TGM6: variants seen among roughly 807,000 people sequenced by gnomAD.
TGM6 encodes protein-glutamine gamma-glutamyltransferase 6.
A neutral mutation model predicts 77.5 loss-of-function variants in TGM6; 74 were observed. The ratio of observed to expected loss-of-function variants is 0.96; its 90% CI spans 0.79 to 1.16. The LOEUF is 1.16. Among genes scored for constraint, TGM6 ranks in the 50% most tolerant of loss-of-function variants. TGM6 has a pLI of 0.00. For missense variants in TGM6, 968 were observed against 940.2 expected (o/e 1.03, Z -0.39); for synonymous variants, 383 against 378.9 (o/e 1.01, Z -0.12).
At chr20:2,396,191 A>G (rs981300293) in intron 3 of TGM6, among the ~76,000 whole-genome samples, 7 of 151,978 alleles carry the variant, frequency 4.6e-5, no homozygotes, top group South Asian at 2.1e-4. Flanking sequence ...AAAAAAAAAA[A>G]AAAAGAAAAG....
chr20:2,407,729 C>G (rs1174118631), intron 9 of TGM6, among the ~76,000 whole-genome samples: 1 of 152,228 alleles, frequency 6.6e-6, no homozygotes, highest in Non-Finnish European at 1.5e-5. Context: ...GCAGTCTACT[C>G]TTAGGGCCTC....
intron 8 of TGM6, 28 bp downstream of exon 8, chr20:2,403,528 C>A: frequency 6.2e-7 from 1 of 1,614,166 alleles, no homozygotes; most frequent in Non-Finnish European, 8.5e-7. Context: ...GGGTAAGTTC[C>A]AGACCCCTGC....
intron 10 of TGM6, among the ~76,000 whole-genome samples, chr20:2,422,029 G>A (rs1044009008): frequency 7.9e-5 from 12 of 152,122 alleles, no homozygotes; most frequent in African/African-American, 2.4e-4. Context: ...CTACTCGGGA[G>A]GCTGAGGCAG....
rs141990961 is a variant in TGM6 at position 2,400,429 on chromosome 20, C to G, written c.974C>G (p.Thr325Arg). The change falls in exon 7 of 13, where the codon ACA becomes AGA. Residue 325 changes from threonine (T) to arginine (R), a missense_variant. Coordinates refer to ENST00000202625, the MANE Select transcript of TGM6 (RefSeq NM_198994.3). Reference protein sequence around the residue: ...DSFGRTLEDLTEDSMWNFHVW... With the variant: ...DSFGRTLEDLREDSMWNFHVW... ...TTCGGGCGGACCCTGGAGGACCTGACAGAAGACAGCATGTGGTGGGTCCTG... is the reference window on the plus strand; with the variant it reads ...TTCGGGCGGACCCTGGAGGACCTGAGAGAAGACAGCATGTGGTGGGTCCTG... 8.8e-5 allele frequency: 142 copies of G among 1,614,078 alleles called. No homozygotes were observed. Among genetic ancestry groups the G allele is most frequent in the Non-Finnish European group, 1.1e-4 (135 of 1,180,048 alleles).
intron 10 of TGM6, among the ~76,000 whole-genome samples, chr20:2,419,983 G>T (rs549260168): frequency 1.3e-5 from 2 of 152,122 alleles, no homozygotes; most frequent in African/African-American, 4.8e-5. Flanking sequence ...AGTGGCTCAC[G>T]CCTGTAATCC....
intron 10 of TGM6, among the ~76,000 whole-genome samples, chr20:2,419,563 C>G (rs1218955763): frequency 6.6e-6 from 1 of 152,178 alleles, no homozygotes; most frequent in Non-Finnish European, 1.5e-5. Flanking sequence ...ACCTATGATT[C>G]TACCACCCAC....
At chr20:2,394,351 G>A (rs1599947155) in intron 1 of TGM6, 101 bp from the exon 2 acceptor site, 3 of 1,348,438 alleles carry the variant, frequency 2.2e-6, no homozygotes, top group Non-Finnish European at 2.1e-6. Context: ...AATAGCAGCT[G>A]GATGAACAAA....
chr20:2,382,670 T>C (rs756158446), intron 1 of TGM6, among the ~76,000 whole-genome samples: 6 of 152,160 alleles, frequency 3.9e-5, no homozygotes, highest in African/African-American at 7.2e-5. Flanking sequence ...GGAGGATCTG[T>C]TCCTCAGAGC....
intron 10 of TGM6, among the ~76,000 whole-genome samples, chr20:2,422,095 G>A (rs576913611): frequency 6.6e-6 from 1 of 152,224 alleles, no homozygotes; most frequent in East Asian, 1.9e-4. Context: ...TCACACCAGT[G>A]CACTCCAGCC....
chr20:2,419,386 C>T (rs1599964301), intron 10 of TGM6, among the ~76,000 whole-genome samples: 1 of 152,116 alleles, frequency 6.6e-6, no homozygotes, highest in Admixed American at 6.6e-5. Flanking sequence ...AGGTGTCACA[C>T]TTTTTTAGCT....
chr20:2,403,125 C>T (rs1157301675), intron 7 of TGM6, among the ~76,000 whole-genome samples: 1 of 152,198 alleles, frequency 6.6e-6, no homozygotes, highest in Non-Finnish European at 1.5e-5. Context: ...AGAATGTAAG[C>T]AGCATGAGAG....
chr20:2,409,602 C>T (rs2084772553), intron 9 of TGM6, among the ~76,000 whole-genome samples: 1 of 151,632 alleles, frequency 6.6e-6, no homozygotes, highest in Non-Finnish European at 1.5e-5. Context: ...GTTCCAGCTA[C>T]TCGGGAGGCT....
chr20:2,422,817 T>C (rs1261264808), intron 10 of TGM6, among the ~76,000 whole-genome samples: 4 of 151,620 alleles, frequency 2.6e-5, no homozygotes, highest in Non-Finnish European at 5.9e-5. Flanking sequence ...CCAGGCATGG[T>C]GGTACACACC....
intron 9 of TGM6, among the ~76,000 whole-genome samples, chr20:2,408,672 G>T (rs565040123): frequency 6.6e-6 from 1 of 152,172 alleles, no homozygotes; most frequent in Non-Finnish European, 1.5e-5. Context: ...GCCTTGTTTT[G>T]TTGATTGCAG....
chr20:2,424,157 G>C (rs1386830233), intron 10 of TGM6, among the ~76,000 whole-genome samples: 1 of 152,228 alleles, frequency 6.6e-6, no homozygotes, highest in African/African-American at 2.4e-5. Context: ...GTCACCAGCT[G>C]CATTAGCTCC....
chr20:2,395,060 T>G, intron 2 of TGM6, 134 bp from the exon 3 acceptor site: 2 of 1,431,254 alleles, frequency 1.4e-6, no homozygotes, highest in Middle Eastern at 2.4e-4. Context: ...TTGCTCTTTG[T>G]CAGGTCCTTC....
intron 1 of TGM6, among the ~76,000 whole-genome samples, chr20:2,387,099 G>A (rs2084601487): frequency 6.6e-6 from 1 of 152,218 alleles, no homozygotes; most frequent in Admixed American, 6.5e-5. Flanking sequence ...CTGGGTCTCA[G>A]CTTATATGTC....
intron 10 of TGM6, among the ~76,000 whole-genome samples, chr20:2,423,675 T>C (rs766506988): frequency 5.9e-5 from 9 of 152,194 alleles, no homozygotes; most frequent in Admixed American, 1.3e-4. Context: ...CCTCCTCCCA[T>C]GAATCATGAA....
Position 2,432,668 on chromosome 20 carries a change from T to A in TGM6, c.*25T>A, listed in dbSNP as rs1474250368. ...ATGGATCATGAGGGACTGAGAGGGG[T>A]GGATTTGGCCCCTGTCCTCCTCCTG... is the stretch of plus-strand genomic sequence containing the variant. On this transcript the variant is annotated 3_prime_UTR_variant, in exon 13 of 13. Coordinates refer to ENST00000202625, the MANE Select transcript of TGM6 (RefSeq NM_198994.3). The A allele has an allele frequency of 1.9e-6, 3 of 1,613,816 alleles. No individual in the cohort carries two copies. Among genetic ancestry groups the A allele is most frequent in the Non-Finnish European group, 2.5e-6 (3 of 1,179,896 alleles).
Sources: gnomAD v4.1 joint callset for allele counts (sites outside exome capture counted in the v4.1 genomes callset) on GRCh38, gnomAD v4.1.1 for gene constraint, MANE v1.5 for transcripts, NCBI Gene and HGNC (gene_info 2026-07-23, HGNC 2026-07-21) for gene names.